Variants in DDX25 observed in about 807,000 individuals in gnomAD.
DDX25 encodes the protein DEAD-box helicase 25.
Under a neutral mutation model 64.6 loss-of-function variants are expected in DDX25, and 70 were observed. The ratio of observed to expected loss-of-function variants is 1.08; its 90% CI spans 0.89 to 1.32. DDX25 has a LOEUF of 1.32. DDX25 is among the 40% of genes most tolerant of loss of function. The probability of loss-of-function intolerance (pLI) is 0.00; values close to 1 mark genes in which losing one functional copy is unlikely to be tolerated. For missense variants in DDX25, 587 were observed against 604.4 expected, an observed-to-expected ratio of 0.97 and a Z score of 0.30; for synonymous variants, 211 against 213.3, an observed-to-expected ratio of 0.99 and a Z score of 0.09.
intron 8 of DDX25, among the ~76,000 whole-genome samples, chr11:125,915,632 T>C (rs1035168406): frequency 6.6e-6 from 1 of 152,248 alleles, no homozygotes; most frequent in Non-Finnish European, 1.5e-5. Flanking sequence ...GTGCCATCTT[T>C]CTCCAGATGC....
intron 4 of DDX25, among the ~76,000 whole-genome samples, chr11:125,907,338 G>T (rs1390552490): frequency 1.3e-5 from 2 of 152,232 alleles, no homozygotes; most frequent in East Asian, 3.8e-4. Flanking sequence ...GCCGGGCGCG[G>T]TGGCTCACGC....
rs1322990033 is a variant in DDX25, at chr11:125,905,063, TGAAAG to T, written c.64-145_64-141del. The stretch of plus-strand genomic sequence containing the variant: ...GTAACTCATACAGGAAACCCAACCT[TGAAAG>T]GAATCTGCTGCTACCTAATATTGCA... On this transcript the variant is annotated intron_variant, in intron 1 of 11. Transcript: ENST00000263576. 5 of 688,472 alleles carry T rather than the reference TGAAAG, an allele frequency of 7.3e-6. No homozygotes were observed. The African/African-American group carries it at 9.0e-5, about 12-fold the overall frequency. The allele number at this position is 688,472 out of a possible 1,614,324, so 42.6% of individuals were successfully genotyped here.
Position 125,918,800 on chromosome 11 carries a change from A to G in DDX25, c.1201+10A>G, listed in dbSNP as rs538918919. On this transcript the variant is annotated intron_variant, in intron 10 of 11. Coordinates refer to ENST00000263576, the MANE Select transcript of DDX25 (RefSeq NM_013264.5). ...AATGTTTGTGCCCGAGGTGTGTGTT[A>G]AAAGTCAGGTCTTGAGTTCTAATTT... 25 of 1,555,608 alleles carry G rather than the reference A, an allele frequency of 1.6e-5. No individual in the cohort carries two copies. In the East Asian group the frequency reaches 6.0e-4, roughly 37 times the overall value.
chr11:125,916,972 T>C (rs780316800), intron 8 of DDX25, 42 bp from the exon 9 acceptor site: 2 of 1,542,060 alleles, frequency 1.3e-6, no homozygotes, highest in Non-Finnish European at 1.8e-6. Context: ...AGAAGAGTGA[T>C]GGGATGGCAG....
rs115245107 is a variant in DDX25 at position 125,922,976 on chromosome 11, C to T, written c.*95C>T. On this transcript the variant is annotated 3_prime_UTR_variant, in exon 12 of 12. Transcript: ENST00000263576. ...TTTTTTTATGTTGAGGCTTTTTCGA[C>T]GTGAAACTGTCACAGATGGCAAAAT... 1.7e-3 allele frequency: 1,909 copies of T among 1,131,336 alleles called. 3 individuals carry two copies. Among genetic ancestry groups the T allele is most frequent in the African/African-American group, 3.4e-3 (216 of 63,798 alleles). The allele number at this position is 1,131,336 out of a possible 1,614,324, so 70.1% of individuals were successfully genotyped here. A position where few individuals can be genotyped will look rare whatever the true frequency, so the allele number is the denominator to read the frequency against.
In DDX25 at chr11:125,927,406, T is replaced by G. The variant is rs1475171748; in HGVS notation, c.*4525T>G. 4 of 152,240 alleles carry G rather than the reference T, an allele frequency of 2.6e-5. No homozygotes were observed. The highest frequency in any genetic ancestry group is 5.9e-5 in the Non-Finnish European group (4 of 68,038). The allele number at this position is 152,240 out of a possible 1,614,324, so 9.4% of individuals were successfully genotyped here. ...GAAGAGGGGCTCTCTCTCCCTCTTGTATTCAGAAGAACTGAAAGTTTTCAT... is the reference window on the plus strand; with the variant it reads ...GAAGAGGGGCTCTCTCTCCCTCTTGGATTCAGAAGAACTGAAAGTTTTCAT... On this transcript the variant is annotated 3_prime_UTR_variant, in exon 12 of 12. Coordinates refer to ENST00000263576, the MANE Select transcript of DDX25 (RefSeq NM_013264.5).
At chr11:125,913,651 T>C (rs1944996139) in intron 8 of DDX25, among the ~76,000 whole-genome samples, 1 of 152,054 alleles carries the variant, frequency 6.6e-6, no homozygotes, top group South Asian at 2.1e-4. Flanking sequence ...CGAGAAGCCT[T>C]TGGAGTCTTC....
rs544475603 is a variant in DDX25 at position 125,906,014 on chromosome 11, C to G, written c.176-60C>G. On this transcript the variant is annotated intron_variant, in intron 3 of 11. Transcript: ENST00000263576. Reference sequence around the variant, plus strand: ...TATACAACCACTGAAAGAGAAAGAGCAACTTATTTGATGTCATTCAGGAAG... The same window carrying G: ...TATACAACCACTGAAAGAGAAAGAGGAACTTATTTGATGTCATTCAGGAAG... 2.8e-5 allele frequency: 42 copies of G among 1,489,610 alleles called. No homozygotes were observed. In the East Asian group the frequency reaches 4.0e-4, roughly 14 times the overall value. 92.3% of individuals were successfully genotyped at this position (1,489,610 alleles called of 1,614,324 possible).
chr11:125,903,627 G>C (rs968083762), upstream of DDX25, among the ~76,000 whole-genome samples: 3 of 152,182 alleles, frequency 2.0e-5, no homozygotes, highest in African/African-American at 7.2e-5. Context: ...TGACCGAACA[G>C]AGCGGGGAGC....
rs760593355 is a variant in DDX25 at position 125,917,234 on chromosome 11, G to C, written c.1021G>C (p.Ala341Pro). The C allele has an allele frequency of 6.2e-7, 1 of 1,605,874 alleles. No homozygotes were observed. The change falls in exon 9 of 12, where the codon GCC (alanine) becomes CCC (proline). Residue 341 changes from alanine to proline, a missense_variant. Physicochemically the swap from Ala to Pro is conservative, Grantham distance 27. Coordinates refer to ENST00000263576, the MANE Select transcript of DDX25 (RefSeq NM_013264.5). ...TTATGGCAGCATCACCATTGGTCAGGCCATCATCTTCTGCCAGGTACACTC... is the reference window on the plus strand; with the variant it reads ...TTATGGCAGCATCACCATTGGTCAGCCCATCATCTTCTGCCAGGTACACTC... Reference protein sequence around the residue: ...NIYGSITIGQAIIFCQTRRNA... With the variant: ...NIYGSITIGQPIIFCQTRRNA...
chr11:125,913,494 A>G (rs1944993045), intron 8 of DDX25, among the ~76,000 whole-genome samples: 1 of 152,178 alleles, frequency 6.6e-6, no homozygotes, highest in Admixed American at 6.5e-5. Context: ...TTCTCTCTCT[A>G]AATTCAGAGA....
chr11:125,923,161 T>G lies in DDX25; in HGVS notation c.*280T>G, dbSNP rs521203. The G allele has an allele frequency of 0.23, 82,578 of 361,258 alleles. 10,177 individuals carry two copies. The highest frequency in any genetic ancestry group is 0.31 in the East Asian group (6,105 of 19,734). The allele number at this position is 361,258 out of a possible 1,614,324, so 22.4% of individuals were successfully genotyped here. A position where few individuals can be genotyped will look rare whatever the true frequency, so the allele number is the denominator to read the frequency against. ...TGGGCTATGGGGGTGTTTTTGGATT[T>G]GGTTGATACAATCTGAGCAGATCGT... is the stretch of plus-strand genomic sequence containing the variant. On this transcript the variant is annotated 3_prime_UTR_variant, in exon 12 of 12. Coordinates refer to ENST00000263576, the MANE Select transcript of DDX25 (RefSeq NM_013264.5).
rs756233741 is a variant in DDX25 at position 125,911,412 on chromosome 11, CGT to C, written c.729_730del (p.Phe244CysfsTer4). On this transcript the variant is annotated frameshift_variant, in exon 8 of 12. Transcript: ENST00000263576. LOFTEE classifies it high-confidence loss of function. ...AAAATTGATTGATTTGACTAAGATT[CGT>C]GTGTTTGTCCTGGATGAAGCAGATG... is the stretch of plus-strand genomic sequence containing the variant. Reference protein sequence around the residue: ...KLKLIDLTKIRVFVLDEADVM... With the variant: ...KLKLIDLTKIXVFVLDEADVM... The C allele has an allele frequency of 1.2e-6, 2 of 1,613,868 alleles. No homozygotes were observed. The highest frequency in any genetic ancestry group is 1.7e-6 in the Non-Finnish European group (2 of 1,179,850).
At chr11:125,904,474 G>C, upstream of DDX25, 1 of 1,452,464 alleles carries the variant, frequency 6.9e-7, no homozygotes, top group Non-Finnish European at 9.1e-7. Flanking sequence ...GCCTCGCGCC[G>C]GTGGTGGAAG....
At chr11:125,914,889 C>T (rs1298330058) in intron 8 of DDX25, among the ~76,000 whole-genome samples, 3 of 152,158 alleles carry the variant, frequency 2.0e-5, no homozygotes, top group East Asian at 3.9e-4. Flanking sequence ...ATCACAGGCA[C>T]GTGCCACCAC....
Position 125,925,721 on chromosome 11 carries a change from C to A in DDX25, c.*2840C>A. The A allele has an allele frequency of 3.6e-6, 1 of 279,268 alleles. No homozygotes were observed. The highest frequency in any genetic ancestry group is 7.3e-6 in the Non-Finnish European group (1 of 136,710). 17.3% of individuals were successfully genotyped at this position (279,268 alleles called of 1,614,324 possible). A position where few individuals can be genotyped will look rare whatever the true frequency, so the allele number is the denominator to read the frequency against. On this transcript the variant is annotated 3_prime_UTR_variant, in exon 12 of 12. Coordinates refer to ENST00000263576, the MANE Select transcript of DDX25 (RefSeq NM_013264.5). ...ATTACGTAGAGCAGGACTGTGATTT[C>A]CAGTGGGTAAGTGAACACCTCGCAT...
chr11:125,904,566 C>G lies in DDX25; in HGVS notation c.49C>G (p.Arg17Gly), dbSNP rs762319891. The change falls in exon 1 of 12, where the codon CGG (arginine) becomes GGG (glycine). Residue 17 changes from arginine to glycine, a missense_variant. Coordinates refer to ENST00000263576, the MANE Select transcript of DDX25 (RefSeq NM_013264.5). ...GGDAGAAESERLNSHFSNLSQ... is the reference protein window; with the variant it reads ...GGDAGAAESEGLNSHFSNLSQ... Reference sequence around the variant, plus strand: ...CGACGCAGGGGCGGCGGAGAGCGAGCGGCTGAACAGCCACGTAACCGCCAC... The same window carrying G: ...CGACGCAGGGGCGGCGGAGAGCGAGGGGCTGAACAGCCACGTAACCGCCAC... 3 of 1,492,916 alleles carry G rather than the reference C, an allele frequency of 2.0e-6. No individual in the cohort carries two copies. Among genetic ancestry groups the G allele is most frequent in the African/African-American group, 2.8e-5 (2 of 70,846 alleles). The allele number at this position is 1,492,916 out of a possible 1,614,324, so 92.5% of individuals were successfully genotyped here.
chr11:125,911,390 A>T lies in DDX25; in HGVS notation c.702A>T (p.Lys234Asn), dbSNP rs1944966819. The change falls in exon 8 of 12, where the codon AAA becomes AAT. Residue 234 changes from lysine to asparagine, a missense_variant. Coordinates refer to ENST00000263576, the MANE Select transcript of DDX25 (RefSeq NM_013264.5). ...TCCTAGATTGGTGTTTTAAACTAAA[A>T]TTGATTGATTTGACTAAGATTCGTG... ...GTVLDWCFKL[K>N]LIDLTKIRVF... 6.2e-7 allele frequency: 1 copy of T among 1,613,896 alleles called. No individual in the cohort carries two copies. Among genetic ancestry groups the T allele is most frequent in the Non-Finnish European group, 8.5e-7 (1 of 1,179,848 alleles).
chr11:125,921,507 TC>T lies in DDX25; in HGVS notation c.1390+129del. ...AGCAGAATGCATGAGCTGGAAGGCTTCTAATTCACAGGACCAGGGTTCTAAT... is the reference window on the plus strand; with the variant it reads ...AGCAGAATGCATGAGCTGGAAGGCTTTAATTCACAGGACCAGGGTTCTAAT... On this transcript the variant is annotated intron_variant, in intron 11 of 11. Coordinates refer to ENST00000263576, the MANE Select transcript of DDX25 (RefSeq NM_013264.5). This position sits in a 1 kb window ranked among gnomAD's most constrained non-coding sequence, Gnocchi z 4.1. 9.6e-7 allele frequency: 1 copy of T among 1,046,734 alleles called. No individual in the cohort carries two copies. Among genetic ancestry groups the T allele is most frequent in the South Asian group, 1.8e-5 (1 of 56,160 alleles). 64.8% of individuals were successfully genotyped at this position (1,046,734 alleles called of 1,614,324 possible).
Sources: allele counts gnomAD v4.1 joint callset (sites outside exome capture counted in the v4.1 genomes callset), GRCh38; gene constraint gnomAD v4.1.1; non-coding constraint Gnocchi (gnomAD v3.1); transcripts MANE v1.5; gene names NCBI Gene and HGNC (gene_info 2026-07-23, HGNC 2026-07-21).